ERBB4: variants seen among roughly 807,000 people sequenced by gnomAD.
The protein encoded by ERBB4 is receptor tyrosine-protein kinase erbB-4.
ERBB4 carries 42 observed loss-of-function variants against 158.0 expected under a neutral mutation model. The ratio of observed to expected loss-of-function variants is 0.27; its 90% CI spans 0.21 to 0.34. The LOEUF (loss-of-function observed/expected upper bound fraction) is 0.34. ERBB4 is among the 10% of genes least tolerant of loss of function. The pLI, the probability that ERBB4 is intolerant of heterozygous loss-of-function variation, is 1.00. For synonymous variants in ERBB4, 583 were observed against 558.7 expected, an observed-to-expected ratio of 1.04 and a Z score of -0.61; for missense variants, 1,333 against 1,624.1, an observed-to-expected ratio of 0.82 and a Z score of 3.08.
At chr2:212,091,952 A>C (rs2125494946) in intron 2 of ERBB4, among the ~76,000 whole-genome samples, 1 of 152,258 alleles carries the variant, frequency 6.6e-6, no homozygotes, top group Non-Finnish European at 1.5e-5. Context: ...TTACGAAGCA[A>C]ATACTCATCA....
rs1282571937 is a variant in ERBB4, at chr2:211,380,165, G to A, written c.*3450C>T. 2 of 231,844 alleles carry A rather than the reference G, an allele frequency of 8.6e-6. No individual in the cohort carries two copies. Among genetic ancestry groups the A allele is most frequent in the African/African-American group, 4.4e-5 (2 of 45,220 alleles). The allele number at this position is 231,844 out of a possible 1,614,324, so 14.4% of individuals were successfully genotyped here. A position where few individuals can be genotyped will look rare whatever the true frequency, so the allele number is the denominator to read the frequency against. ...TGCGTTGTTTTTCATGCTATTTTAAGAATGTTACTGGAGAAAGGATTCTCA... is the reference window on the plus strand; with the variant it reads ...TGCGTTGTTTTTCATGCTATTTTAAAAATGTTACTGGAGAAAGGATTCTCA... On this transcript the variant is annotated 3_prime_UTR_variant, in exon 28 of 28. Coordinates refer to ENST00000342788, the MANE Select transcript of ERBB4 (RefSeq NM_005235.3).
At chr2:211,563,912 C>G (rs1312246994) in intron 19 of ERBB4, among the ~76,000 whole-genome samples, 2 of 152,102 alleles carry the variant, frequency 1.3e-5, no homozygotes, top group Admixed American at 6.5e-5. Context: ...TATGAAGGTA[C>G]AGTGTTCATT....
chr2:212,262,385 G>A (rs1408597928), intron 1 of ERBB4, among the ~76,000 whole-genome samples: 1 of 152,016 alleles, frequency 6.6e-6, no homozygotes, highest in Admixed American at 6.6e-5. Flanking sequence ...TATATCTATA[G>A]CCAGGCATCA....
At chr2:212,307,619 A>G (rs1447908128) in intron 1 of ERBB4, among the ~76,000 whole-genome samples, 2 of 151,008 alleles carry the variant, frequency 1.3e-5, no homozygotes, top group Non-Finnish European at 3.0e-5. Flanking sequence ...AAAAGCATAG[A>G]GAATTGAGGA....
chr2:212,055,662 G>C (rs964610430), intron 2 of ERBB4, among the ~76,000 whole-genome samples: 2 of 152,218 alleles, frequency 1.3e-5, no homozygotes, highest in South Asian at 4.1e-4. Context: ...ATACCCAGGC[G>C]AACAGGATTT....
intron 20 of ERBB4, among the ~76,000 whole-genome samples, chr2:211,544,196 T>G (rs1032856735): frequency 3.9e-5 from 6 of 152,074 alleles, no homozygotes; most frequent in African/African-American, 1.2e-4. Flanking sequence ...ACTAAGATGG[T>G]GATTCTGGAA....
intron 1 of ERBB4, among the ~76,000 whole-genome samples, chr2:212,518,327 C>T (rs1560536484): frequency 6.6e-6 from 1 of 152,022 alleles, no homozygotes; most frequent in East Asian, 1.9e-4. Flanking sequence ...TTAGTTCTTC[C>T]TTCATAAAGC....
At chr2:211,592,196 T>C (rs1409316200) in intron 19 of ERBB4, among the ~76,000 whole-genome samples, 1 of 151,572 alleles carries the variant, frequency 6.6e-6, no homozygotes, top group African/African-American at 2.4e-5. Context: ...CGCAGGGCTT[T>C]GGGCGTTATC....
rs149039770 is a variant in ERBB4 at position 212,366,456 on chromosome 2, A to C, written c.82+171993T>G. ...GTTACAAATTACACCTTTCAGTGTT[A>C]AGGATACAAAAATTCCTTAAAGGGA... On this transcript the variant is annotated intron_variant, in intron 1 of 27. Coordinates refer to ENST00000342788, the MANE Select transcript of ERBB4 (RefSeq NM_005235.3). 2.4e-4 allele frequency among the ~76,000 whole-genome samples: 37 copies of C among 152,114 alleles called. 1 individual carries two copies. In the East Asian group the frequency reaches 7.0e-3, roughly 29 times the overall value.
At chr2:211,431,153 A>AT in intron 20 of ERBB4, 53 bp from the exon 21 acceptor site, 11 of 1,540,436 alleles carry the variant, frequency 7.1e-6, no homozygotes, top group South Asian at 1.1e-5. Flanking sequence ...AGGTTTTCCC[A>AT]TTTTTCTAAA....
At chr2:212,473,758 T>C (rs1205165367) in intron 1 of ERBB4, among the ~76,000 whole-genome samples, 1 of 152,090 alleles carries the variant, frequency 6.6e-6, no homozygotes, top group Non-Finnish European at 1.5e-5. Context: ...GAATCTTCAT[T>C]TATTTCATAT....
At chr2:211,958,598 A>C (rs1304417213) in intron 2 of ERBB4, among the ~76,000 whole-genome samples, 2 of 152,076 alleles carry the variant, frequency 1.3e-5, no homozygotes, top group Non-Finnish European at 2.9e-5. Flanking sequence ...TATAGACAAA[A>C]AGTGATGGAG....
rs1469284525 is a variant in ERBB4 at position 212,117,159 on chromosome 2, T to A, written c.234+7593A>T. ...TGTCTGCTTTGGCCTAAATGACATG[T>A]TACAATATTATTCTCTCTGTGTCCT... On this transcript the variant is annotated intron_variant, in intron 2 of 27. Coordinates refer to ENST00000342788, the MANE Select transcript of ERBB4 (RefSeq NM_005235.3). Among the ~76,000 whole-genome samples, 3 of 152,222 alleles carry A rather than the reference T, an allele frequency of 2.0e-5. No individual in the cohort carries two copies. In the South Asian group the frequency reaches 6.2e-4, roughly 31 times the overall value.
chr2:212,326,640 C>T (rs149305360), intron 1 of ERBB4, among the ~76,000 whole-genome samples: 1 of 150,748 alleles, frequency 6.6e-6, no homozygotes, highest in East Asian at 2.0e-4. Flanking sequence ...CATAGACGCC[C>T]TCAGTCCCTA....
chr2:212,387,035 A>AT (rs1041653402), intron 1 of ERBB4, among the ~76,000 whole-genome samples: 1 of 152,090 alleles, frequency 6.6e-6, no homozygotes, highest in African/African-American at 2.4e-5. Flanking sequence ...AAAGTGGGGT[A>AT]TTTTAACCAT....
chr2:211,397,935 T>C (rs2062954851), intron 25 of ERBB4, among the ~76,000 whole-genome samples: 1 of 152,188 alleles, frequency 6.6e-6, no homozygotes, highest in Non-Finnish European at 1.5e-5. Context: ...TTGGTCAAAT[T>C]GGTGTTAGTA....
chr2:211,562,067 T>A lies in ERBB4; in HGVS notation c.2323A>T (p.Met775Leu), dbSNP rs781737887. ...AACCGGACTAGGTGTGGATGATCCATACTTGCCATGATCAGAGCTTCCTGT... is the reference window on the plus strand; with the variant it reads ...AACCGGACTAGGTGTGGATGATCCAAACTTGCCATGATCAGAGCTTCCTGT... ...FMDEALIMASMDHPHLVRLLG... is the reference protein window; with the variant it reads ...FMDEALIMASLDHPHLVRLLG... Residue 775 changes from methionine (M) to leucine (L), a missense_variant, in exon 20 of 28, where the codon ATG becomes TTG. By Grantham distance (15) the Met-to-Leu change is conservative. This residue lies in a region of ERBB4 where 314 missense variants were observed against 437.6 expected (regional missense o/e 0.72). Transcript: ENST00000342788. 4.3e-6 allele frequency: 7 copies of A among 1,613,792 alleles called. No homozygotes were observed. In the South Asian group the frequency reaches 6.6e-5, roughly 15 times the overall value.
intron 2 of ERBB4, among the ~76,000 whole-genome samples, chr2:212,020,189 T>C (rs1172000816): frequency 6.6e-6 from 1 of 152,054 alleles, no homozygotes; most frequent in Non-Finnish European, 1.5e-5. Flanking sequence ...GCAAAGGAGT[T>C]CTGATTTACT....
intron 1 of ERBB4, among the ~76,000 whole-genome samples, chr2:212,262,204 G>T (rs1037450084): frequency 6.6e-6 from 1 of 152,056 alleles, no homozygotes; most frequent in Admixed American, 6.6e-5. Flanking sequence ...TGGCTTTTAT[G>T]TTTCTTTCAA....
Sources: allele counts gnomAD v4.1 joint callset (sites outside exome capture counted in the v4.1 genomes callset), GRCh38; gene constraint gnomAD v4.1.1; regional missense constraint gnomAD v4.1.1; transcripts MANE v1.5; gene names NCBI Gene and HGNC (gene_info 2026-07-23, HGNC 2026-07-21).